The following WWOX variants were observed in gnomAD, a reference collection of about 807,000 sequenced individuals.
The protein encoded by WWOX is WW domain containing oxidoreductase.
In WWOX, 69 loss-of-function variants were observed where a neutral mutation model predicts 46.2. The observed-to-expected ratio is 1.49, with a 90% CI of 1.23 to 1.82. WWOX has a LOEUF of 1.82. Ranked by LOEUF, WWOX falls within the 40% of genes most tolerant of loss-of-function variation. WWOX has a pLI of 0.00. For synonymous variants in WWOX, 359 were observed against 202.6 expected (o/e 1.77, Z -6.56); for missense variants, 919 against 542.6 (o/e 1.69, Z -6.89).
At position 78,690,562 on chromosome 16, in the gene WWOX, AAAG is replaced by A. The variant is rs547369409; in HGVS notation, c.1056+257819_1056+257821del. Among the ~76,000 whole-genome samples the A allele has an allele frequency of 2.6e-4, 39 of 152,276 alleles. 1 individual carries two copies. In the South Asian group the frequency reaches 8.1e-3, roughly 32 times the overall value. On this transcript the variant is annotated intron_variant, in intron 8 of 8. Transcript: ENST00000566780. ...ATGAGACCCTGTCTGAAAATTAAAA[AAAG>A]AAGAAGAAATGTTTATTGAATGAAG...
chr16:78,530,268 G>GT (rs1484630060), intron 8 of WWOX, among the ~76,000 whole-genome samples: 2 of 152,178 alleles, frequency 1.3e-5, no homozygotes, highest in African/African-American at 4.8e-5. Context: ...TAACAGTTCA[G>GT]TGGAGGGTCA....
chr16:78,876,424 G>C (rs990393914), intron 8 of WWOX, among the ~76,000 whole-genome samples: 1 of 149,706 alleles, frequency 6.7e-6, no homozygotes, highest in African/African-American at 2.5e-5. Context: ...AAACTCACCA[G>C]TTCTCTGTTG....
intron 8 of WWOX, among the ~76,000 whole-genome samples, chr16:79,091,859 C>T (rs1324611933): frequency 7.0e-6 from 1 of 143,632 alleles, no homozygotes; most frequent in Non-Finnish European, 1.5e-5. Context: ...GGGCTCACTG[C>T]AACCTCCACT....
chr16:78,981,517 A>C (rs1597234617), intron 8 of WWOX, among the ~76,000 whole-genome samples: 1 of 151,926 alleles, frequency 6.6e-6, no homozygotes, highest in East Asian at 1.9e-4. Context: ...GGCTCACTGC[A>C]ACCTCCACTT....
intron 5 of WWOX, among the ~76,000 whole-genome samples, chr16:78,326,590 G>C (rs7191828): frequency 0.064 from 1,483 of 23,220 alleles, 157 homozygotes; most frequent in African/African-American, 0.3. Context: ...CCCCCCCCCC[G>C]CAATGCCTCA....
At chr16:78,606,449 G>C (rs1372015414) in intron 8 of WWOX, among the ~76,000 whole-genome samples, 1 of 149,988 alleles carries the variant, frequency 6.7e-6, no homozygotes, top group African/African-American at 2.4e-5. Flanking sequence ...ACCAAGAGAA[G>C]AAAGAAAGAA....
At chr16:79,004,645 C>A (rs2047157664) in intron 8 of WWOX, 1 of 152,274 alleles carries the variant, frequency 6.6e-6, no homozygotes. Flanking sequence ...TCGGTCCACG[C>A]CAACTCCTGT....
At chr16:78,575,580 G>T (rs1254116614) in intron 8 of WWOX, among the ~76,000 whole-genome samples, 1 of 152,044 alleles carries the variant, frequency 6.6e-6, no homozygotes, top group African/African-American at 2.4e-5. Context: ...TCTCCCACAT[G>T]CCCTCTCTTA....
chr16:78,554,419 T>G (rs2151547500), intron 8 of WWOX, among the ~76,000 whole-genome samples: 1 of 152,296 alleles, frequency 6.6e-6, no homozygotes, highest in Admixed American at 6.5e-5. Context: ...TAAATGGGTT[T>G]TAAGCTCCAT....
chr16:79,045,086 A>G (rs2048040556), intron 8 of WWOX, among the ~76,000 whole-genome samples: 1 of 152,212 alleles, frequency 6.6e-6, no homozygotes, highest in African/African-American at 2.4e-5. Flanking sequence ...TCCAAATGTT[A>G]GATTTTGCCT....
chr16:78,533,047 G>C (rs909268165), intron 8 of WWOX, among the ~76,000 whole-genome samples: 3 of 152,162 alleles, frequency 2.0e-5, no homozygotes, highest in Non-Finnish European at 4.4e-5. Context: ...CTGATGACCT[G>C]GGAGGGTGGG....
chr16:78,554,580 T>C (rs943770427), intron 8 of WWOX, among the ~76,000 whole-genome samples: 1 of 152,168 alleles, frequency 6.6e-6, no homozygotes, highest in Non-Finnish European at 1.5e-5. Context: ...TATCCATGCA[T>C]ATACGTGGGT....
chr16:78,443,460 T>C (rs1040540876), intron 8 of WWOX, among the ~76,000 whole-genome samples: 1 of 152,146 alleles, frequency 6.6e-6, no homozygotes, highest in Non-Finnish European at 1.5e-5. Context: ...CACCTTAGCT[T>C]GGAGGAAACA....
chr16:79,032,433 G>GTA (rs2047781991), intron 8 of WWOX, among the ~76,000 whole-genome samples: 2 of 146,352 alleles, frequency 1.4e-5, no homozygotes, highest in Non-Finnish European at 3.0e-5. Flanking sequence ...TGTTGAGAGT[G>GTA]TATATATTAT....
intron 5 of WWOX, among the ~76,000 whole-genome samples, chr16:78,211,496 G>A (rs545008468): frequency 1.3e-5 from 2 of 152,230 alleles, no homozygotes; most frequent in South Asian, 4.2e-4. Context: ...CCTGGGAACT[G>A]CTTAATAAAG....
intron 8 of WWOX, among the ~76,000 whole-genome samples, chr16:78,716,849 G>C (rs1263002603): frequency 6.6e-6 from 1 of 152,150 alleles, no homozygotes; most frequent in Non-Finnish European, 1.5e-5. Context: ...CCACAGCTGT[G>C]TGCAGCTTCA....
chr16:78,300,080 A>G (rs146139189), intron 5 of WWOX, among the ~76,000 whole-genome samples: 130 of 152,306 alleles, frequency 8.5e-4, no homozygotes, highest in Non-Finnish European at 1.6e-3. Context: ...AAACAGAAAG[A>G]ATTGAGTAGA....
chr16:79,019,458 CAT>C (rs1384883039), intron 8 of WWOX, among the ~76,000 whole-genome samples: 9 of 152,006 alleles, frequency 5.9e-5, no homozygotes, highest in African/African-American at 2.2e-4. Context: ...CATATCTAAA[CAT>C]AGAAATAGTA....
intron 8 of WWOX, among the ~76,000 whole-genome samples, chr16:79,156,755 A>C (rs1021560548): frequency 6.6e-6 from 1 of 152,004 alleles, no homozygotes. Flanking sequence ...AGTCTTAAGA[A>C]TATCCAAGGG....
Sources: allele counts gnomAD v4.1 joint callset (sites outside exome capture counted in the v4.1 genomes callset), GRCh38; gene constraint gnomAD v4.1.1; transcripts MANE v1.5; gene names NCBI Gene and HGNC (gene_info 2026-07-23, HGNC 2026-07-21).